Variants in UBE2G1 observed in about 807,000 individuals in gnomAD.
UBE2G1 encodes the protein ubiquitin conjugating enzyme E2 G1.
UBE2G1 carries 5 observed loss-of-function variants against 22.7 expected under a neutral mutation model. The ratio of observed to expected loss-of-function variants is 0.22; its 90% confidence interval spans 0.12 to 0.46. UBE2G1 has a LOEUF of 0.46. Ranked by LOEUF, UBE2G1 falls within the 20% of genes least tolerant of loss-of-function variation. The pLI is 0.99. For missense variants in UBE2G1, 88 were observed against 203.9 expected (o/e 0.43, Z 3.46); for synonymous variants, 74 against 67.5 (o/e 1.10, Z -0.47).
Position 4,316,838 on chromosome 17 carries a change from G to A in UBE2G1, c.47-9715C>T, listed in dbSNP as rs78629362. Among the ~76,000 whole-genome samples, 796 of 151,106 alleles carry A rather than the reference G, an allele frequency of 5.3e-3. 6 individuals carry two copies. The highest frequency in any genetic ancestry group is 0.019 in the African/African-American group (764 of 41,106). ...AGACCCAGTCCTAGCTACTGGGGACGCTGAGTCAGGAGGACTGTTTGGGCC... is the reference window on the plus strand; with the variant it reads ...AGACCCAGTCCTAGCTACTGGGGACACTGAGTCAGGAGGACTGTTTGGGCC... On this transcript the variant is annotated intron_variant, in intron 1 of 5. Coordinates refer to ENST00000396981, the MANE Select transcript of UBE2G1 (RefSeq NM_003342.5).
chr17:4,295,368 C>T (rs535330309), intron 3 of UBE2G1, among the ~76,000 whole-genome samples: 8 of 152,322 alleles, frequency 5.3e-5, no homozygotes, highest in South Asian at 2.1e-4. Flanking sequence ...CAATAAAATA[C>T]GCTAAGTCCC....
chr17:4,364,293 C>CTTTTTT (rs1555524327), intron 1 of UBE2G1: 1 of 120,746 alleles, frequency 8.3e-6, no homozygotes, highest in Non-Finnish European at 1.8e-5. Context: ...CAATAAAGTT[C>CTTTTTT]TTTTTTTTTT....
chr17:4,330,555 T>A (rs1969561417), intron 1 of UBE2G1, among the ~76,000 whole-genome samples: 1 of 147,308 alleles, frequency 6.8e-6, no homozygotes, highest in African/African-American at 2.5e-5. Flanking sequence ...CTGACCAACA[T>A]GGAGAAACCC....
intron 4 of UBE2G1, among the ~76,000 whole-genome samples, chr17:4,288,295 C>T (rs575908623): frequency 4.6e-5 from 7 of 152,254 alleles, no homozygotes; most frequent in East Asian, 1.9e-4. Flanking sequence ...GTCCAGATCT[C>T]GGCTCACTGC....
chr17:4,329,767 G>C (rs979434884), intron 1 of UBE2G1, among the ~76,000 whole-genome samples: 7 of 151,412 alleles, frequency 4.6e-5, no homozygotes, highest in Admixed American at 4.6e-4. Flanking sequence ...TCTCTTTCCA[G>C]TATAACTTTT....
rs567824560 is a variant in UBE2G1, at chr17:4,270,786, G to C, written c.*1768C>G. On this transcript the variant is annotated 3_prime_UTR_variant, in exon 6 of 6. Transcript: ENST00000396981. ...GTTTACAGGTTTTTATAACGCTTCAGAGTAGAGGACAGGGACTTAGAAAAA... is the reference window on the plus strand; with the variant it reads ...GTTTACAGGTTTTTATAACGCTTCACAGTAGAGGACAGGGACTTAGAAAAA... 2 of 152,244 alleles carry C rather than the reference G, an allele frequency of 1.3e-5. No homozygotes were observed. Among genetic ancestry groups the C allele is most frequent in the African/African-American group, 2.4e-5 (1 of 41,538 alleles). The allele number at this position is 152,244 out of a possible 1,614,324, so 9.4% of individuals were successfully genotyped here.
At chr17:4,291,127 G>A (rs1048717078) in intron 3 of UBE2G1, among the ~76,000 whole-genome samples, 7 of 152,168 alleles carry the variant, frequency 4.6e-5, no homozygotes, top group Non-Finnish European at 1.0e-4. Context: ...TTGGGAGGCC[G>A]AGGAGGGCAG....
intron 5 of UBE2G1, among the ~76,000 whole-genome samples, chr17:4,274,131 C>A (rs1462730597): frequency 6.6e-6 from 1 of 151,380 alleles, no homozygotes; most frequent in East Asian, 1.9e-4. Context: ...CAGGCACCCG[C>A]CACCACACCC....
rs1263386478 is a variant in UBE2G1, at chr17:4,272,511, G to T, written c.*43C>A. On this transcript the variant is annotated 3_prime_UTR_variant, in exon 6 of 6. Coordinates refer to ENST00000396981, the MANE Select transcript of UBE2G1 (RefSeq NM_003342.5). ...AAAAACAGTGCCATGTTTCTCAATT[G>T]GAGACCTACAACAACAAAAACAACA... 5.4e-6 allele frequency: 1 copy of T among 186,538 alleles called. No individual in the cohort carries two copies. The highest frequency in any genetic ancestry group is 2.4e-5 in the African/African-American group (1 of 41,528). 11.6% of individuals were successfully genotyped at this position (186,538 alleles called of 1,614,324 possible). A position where few individuals can be genotyped will look rare whatever the true frequency, so the allele number is the denominator to read the frequency against.
In UBE2G1 at chr17:4,366,623, C is replaced by A; in HGVS notation, c.-307G>T. On this transcript the variant is annotated 5_prime_UTR_variant, in exon 1 of 6. Transcript: ENST00000396981. ...CCCGTCGGCCCCACCGGTGCCTTCC[C>A]CCGCCACTGCCTCACTGCGCGCAGG... 1 of 303,592 alleles carries A rather than the reference C, an allele frequency of 3.3e-6. No homozygotes were observed. Among genetic ancestry groups the A allele is most frequent in the Non-Finnish European group, 6.1e-6 (1 of 163,420 alleles). The allele number at this position is 303,592 out of a possible 1,614,324, so 18.8% of individuals were successfully genotyped here. A position where few individuals can be genotyped will look rare whatever the true frequency, so the allele number is the denominator to read the frequency against.
intron 1 of UBE2G1, among the ~76,000 whole-genome samples, chr17:4,349,702 G>A (rs1969820844): frequency 6.6e-6 from 1 of 151,764 alleles, no homozygotes; most frequent in Non-Finnish European, 1.5e-5. Flanking sequence ...AATTAGCCGG[G>A]CGTGGTGGCA....
intron 1 of UBE2G1, among the ~76,000 whole-genome samples, chr17:4,365,877 G>T (rs1970028017): frequency 6.6e-6 from 1 of 152,066 alleles, no homozygotes; most frequent in Non-Finnish European, 1.5e-5. Flanking sequence ...GGGTCCGGAC[G>T]CTCCAGCCGG....
Position 4,333,695 on chromosome 17 carries a change from C to A in UBE2G1, c.47-26572G>T, listed in dbSNP as rs570420075. ...AATTAGATGGGTGTGGTGGCACGCACCTGTAGTCCCAGCTACTGGGGAGGC... is the reference window on the plus strand; with the variant it reads ...AATTAGATGGGTGTGGTGGCACGCAACTGTAGTCCCAGCTACTGGGGAGGC... On this transcript the variant is annotated intron_variant, in intron 1 of 5. Coordinates refer to ENST00000396981, the MANE Select transcript of UBE2G1 (RefSeq NM_003342.5). 6.6e-5 allele frequency among the ~76,000 whole-genome samples: 10 copies of A among 152,142 alleles called. No homozygotes were observed. The East Asian group carries it at 1.9e-3, about 29-fold the overall frequency.
intron 3 of UBE2G1, among the ~76,000 whole-genome samples, chr17:4,294,920 T>TG (rs575638818): frequency 2.7e-3 from 367 of 138,156 alleles, no homozygotes; most frequent in Admixed American, 3.3e-3. Context: ...AAGGACGGAA[T>TG]GGGAGAAACG....
At chr17:4,347,948 CCT>C (rs570816551) in intron 1 of UBE2G1, among the ~76,000 whole-genome samples, 299 of 152,272 alleles carry the variant, frequency 2.0e-3, no homozygotes, top group African/African-American at 6.8e-3. Context: ...TGTCTGTCTC[CCT>C]GATTCTCAGG....
At chr17:4,327,580 C>A (rs562907610) in intron 1 of UBE2G1, among the ~76,000 whole-genome samples, 2 of 151,030 alleles carry the variant, frequency 1.3e-5, no homozygotes, top group African/African-American at 4.9e-5. Context: ...TGAGGAGTTA[C>A]CGGTTTGTGT....
intron 3 of UBE2G1, among the ~76,000 whole-genome samples, chr17:4,294,537 G>A (rs954837573): frequency 1.1e-4 from 16 of 152,074 alleles, no homozygotes; most frequent in African/African-American, 3.9e-4. Context: ...AACTACCTAG[G>A]TGATTGCTCT....
chr17:4,297,010 C>A (rs778183162), intron 2 of UBE2G1, among the ~76,000 whole-genome samples, 196 bp from the exon 3 acceptor site: 1 of 152,190 alleles, frequency 6.6e-6, no homozygotes, highest in Non-Finnish European at 1.5e-5. Flanking sequence ...ATTGATTAAA[C>A]TTTCAAGAGA....
chr17:4,356,222 G>T (rs914272573), intron 1 of UBE2G1, among the ~76,000 whole-genome samples: 2 of 151,656 alleles, frequency 1.3e-5, no homozygotes, highest in Admixed American at 6.6e-5. Context: ...GCTGTGCCTG[G>T]TGGCACACGC....
Sources: allele counts gnomAD v4.1 joint callset (sites outside exome capture counted in the v4.1 genomes callset), GRCh38; gene constraint gnomAD v4.1.1; transcripts MANE v1.5; gene names NCBI Gene and HGNC (gene_info 2026-07-23, HGNC 2026-07-21).